The following INVS variants were observed in gnomAD, a reference collection of about 807,000 sequenced individuals.
The protein encoded by INVS is inversion of embryo turning homolog.
In INVS, 86 loss-of-function variants were observed where a neutral mutation model predicts 108.8. The observed-to-expected ratio is 0.79, with a 90% CI of 0.66 to 0.95. The LOEUF (loss-of-function observed/expected upper bound fraction) is 0.95, where lower values mean the gene tolerates loss of function less well. Among genes scored for constraint, INVS ranks in the 40% least tolerant of loss-of-function variants. The pLI, the probability that INVS is intolerant of heterozygous loss-of-function variation, is 0.00. For missense variants in INVS, 1,169 were observed against 1,297.4 expected (o/e 0.90, Z 1.52); for synonymous variants, 455 against 473.5 (o/e 0.96, Z 0.51).
intron 3 of INVS, among the ~76,000 whole-genome samples, chr9:100,170,049 G>A (rs1158063672): frequency 6.6e-6 from 1 of 152,118 alleles, no homozygotes; most frequent in African/African-American, 2.4e-5. Context: ...CCACAGTGAA[G>A]GTCAGCAAAA....
At chr9:100,126,730 G>A (rs1827896267) in intron 3 of INVS, among the ~76,000 whole-genome samples, 181 bp downstream of exon 3, 1 of 152,078 alleles carries the variant, frequency 6.6e-6, no homozygotes, top group African/African-American at 2.4e-5. Flanking sequence ...AACTATCAGC[G>A]GCTGCATTTC....
In INVS at chr9:100,189,106, C is replaced by CTTTTTT. The variant is rs60762136; in HGVS notation, c.274-36940_274-36935dup. ...TTCTAATGGAACTTATTTGCATCTT[C>CTTTTTT]TTTTTTTTTTTTTTTTTTTTTGGTT... is the stretch of plus-strand genomic sequence containing the variant. On this transcript the variant is annotated intron_variant, in intron 3 of 16. Coordinates refer to ENST00000262457, the MANE Select transcript of INVS (RefSeq NM_014425.5). 7.7e-3 allele frequency among the ~76,000 whole-genome samples: 535 copies of CTTTTTT among 69,150 alleles called. 9 individuals are homozygous for CTTTTTT. The highest frequency in any genetic ancestry group is 0.013 in the African/African-American group (192 of 14,668). 45.4% of individuals were successfully genotyped at this position (69,150 alleles called of 152,430 possible).
At chr9:100,135,155 T>C (rs531323245) in intron 3 of INVS, among the ~76,000 whole-genome samples, 1 of 152,338 alleles carries the variant, frequency 6.6e-6, no homozygotes, top group African/African-American at 2.4e-5. Flanking sequence ...ATATTCTCAA[T>C]TTTTAAAGTA....
At chr9:100,215,628 CA>C (rs1289718033) in intron 3 of INVS, 1 of 152,190 alleles carries the variant, frequency 6.6e-6, no homozygotes, top group East Asian at 1.9e-4. Flanking sequence ...CATTGTTAGG[CA>C]TATCATGGTC....
intron 12 of INVS, among the ~76,000 whole-genome samples, chr9:100,278,935 G>A (rs1183511225): frequency 1.3e-5 from 2 of 152,120 alleles, no homozygotes; most frequent in Non-Finnish European, 2.9e-5. Flanking sequence ...AGAGCAAAGG[G>A]GCTCACCGCT....
intron 2 of INVS, chr9:100,116,878 G>A: frequency 5.5e-6 from 7 of 1,265,708 alleles, no homozygotes; most frequent in African/African-American, 1.5e-5. Flanking sequence ...AGAGGTCGGG[G>A]GTCAGGTAGC....
chr9:100,210,592 G>T (rs2118295852), intron 3 of INVS, among the ~76,000 whole-genome samples: 1 of 152,238 alleles, frequency 6.6e-6, no homozygotes, highest in South Asian at 2.1e-4. Context: ...CACAAGGAAT[G>T]ACTTTTAAGT....
At chr9:100,300,528 T>C (rs1234449290) in intron 16 of INVS, 40 bp from the exon 17 acceptor site, 3 of 1,342,062 alleles carry the variant, frequency 2.2e-6, no homozygotes, top group Non-Finnish European at 3.2e-6. Flanking sequence ...AGCCTTAAAA[T>C]TAATAACCTT....
At chr9:100,279,852 G>A (rs553150220) in intron 12 of INVS, among the ~76,000 whole-genome samples, 1 of 152,336 alleles carries the variant, frequency 6.6e-6, no homozygotes, top group South Asian at 2.1e-4. Flanking sequence ...CGTGTCAAAA[G>A]TGGGCAAATA....
At chr9:100,214,319 T>C (rs1830922944) in intron 3 of INVS, among the ~76,000 whole-genome samples, 1 of 152,144 alleles carries the variant, frequency 6.6e-6, no homozygotes, top group Non-Finnish European at 1.5e-5. Context: ...TGCAGATAGT[T>C]ACAGGAGGCG....
chr9:100,275,762 C>T (rs1833092788), intron 12 of INVS, among the ~76,000 whole-genome samples: 2 of 151,954 alleles, frequency 1.3e-5, no homozygotes, highest in African/African-American at 2.4e-5. Context: ...AAAGAGAAAC[C>T]GGGAGAGAAA....
chr9:100,157,512 C>T (rs949412661), intron 3 of INVS, among the ~76,000 whole-genome samples: 51 of 152,026 alleles, frequency 3.4e-4, no homozygotes, highest in African/African-American at 1.1e-3. Flanking sequence ...GTGATCCGCC[C>T]GCCTCGGCCT....
chr9:100,264,036 T>C (rs966751832), intron 10 of INVS, among the ~76,000 whole-genome samples: 7 of 152,250 alleles, frequency 4.6e-5, no homozygotes, highest in Non-Finnish European at 8.8e-5. Flanking sequence ...AGCTTTGTTA[T>C]TAGATGCACA....
At chr9:100,290,450 A>G (rs1833577799) in intron 13 of INVS, among the ~76,000 whole-genome samples, 2 of 151,668 alleles carry the variant, frequency 1.3e-5, no homozygotes, top group South Asian at 4.2e-4. Flanking sequence ...CCCAGGTTCA[A>G]GTGATTCTCC....
chr9:100,301,047 T>A lies in INVS; in HGVS notation c.*373T>A. On this transcript the variant is annotated 3_prime_UTR_variant, in exon 17 of 17. Transcript: ENST00000262457. ...TGCCAGCTAGCTGGTACTGGCTTCT[T>A]GTTTCAAGAGATGAACCTAAATGAG... The A allele has an allele frequency of 3.3e-6, 1 of 302,596 alleles. No homozygotes were observed. The highest frequency in any genetic ancestry group is 6.4e-6 in the Non-Finnish European group (1 of 156,418). The allele number at this position is 302,596 out of a possible 1,614,324, so 18.7% of individuals were successfully genotyped here. A position where few individuals can be genotyped will look rare whatever the true frequency, so the allele number is the denominator to read the frequency against.
chr9:100,261,212 CAAAGA>C (rs1236554616), intron 10 of INVS, among the ~76,000 whole-genome samples: 1 of 148,326 alleles, frequency 6.7e-6, no homozygotes, highest in Non-Finnish European at 1.5e-5. Context: ...GTAAAAGTAA[CAAAGA>C]AAAGTATGTA....
At chr9:100,207,841 AT>A (rs1830720057) in intron 3 of INVS, among the ~76,000 whole-genome samples, 1 of 152,188 alleles carries the variant, frequency 6.6e-6, no homozygotes, top group Admixed American at 6.5e-5. Flanking sequence ...AAAGCATAAA[AT>A]TTCTAATTTT....
intron 3 of INVS, among the ~76,000 whole-genome samples, chr9:100,209,597 T>G (rs923623061): frequency 6.6e-6 from 1 of 151,810 alleles, no homozygotes; most frequent in South Asian, 2.1e-4. Flanking sequence ...AGTGAAACCC[T>G]GTCTCTACTA....
At chr9:100,167,469 C>G (rs1829398709) in intron 3 of INVS, among the ~76,000 whole-genome samples, 1 of 152,072 alleles carries the variant, frequency 6.6e-6, no homozygotes, top group South Asian at 2.1e-4. Context: ...CAGTAGGAAT[C>G]TCTGTGTTGA....
Sources: gnomAD v4.1 joint callset for allele counts (sites outside exome capture counted in the v4.1 genomes callset) on GRCh38, gnomAD v4.1.1 for gene constraint, MANE v1.5 for transcripts, NCBI Gene and HGNC (gene_info 2026-07-23, HGNC 2026-07-21) for gene names.